KCNH7: variants seen among roughly 807,000 people sequenced by gnomAD.
KCNH7 encodes voltage-gated inwardly rectifying potassium channel KCNH7.
A neutral mutation model predicts 120.8 loss-of-function variants in KCNH7; 49 were observed. The observed-to-expected ratio is 0.41, with a 90% CI of 0.32 to 0.51. The LOEUF (loss-of-function observed/expected upper bound fraction) is 0.51, where lower values mean the gene tolerates loss of function less well. KCNH7 is among the 20% of genes least tolerant of loss of function. The pLI, the probability that KCNH7 is intolerant of heterozygous loss-of-function variation, is 0.38. For synonymous variants in KCNH7, 547 were observed against 516.1 expected, an observed-to-expected ratio of 1.06 and a Z score of -0.81; for missense variants, 1,097 against 1,446.6, an observed-to-expected ratio of 0.76 and a Z score of 3.92.
At chr2:162,599,294 T>C (rs1694475967) in intron 2 of KCNH7, among the ~76,000 whole-genome samples, 1 of 151,934 alleles carries the variant, frequency 6.6e-6, no homozygotes, top group Non-Finnish European at 1.5e-5. Flanking sequence ...TTAGCCTTTC[T>C]TCAGAGTGGG....
intron 3 of KCNH7, among the ~76,000 whole-genome samples, chr2:162,521,583 A>G (rs764951779): frequency 6.6e-6 from 1 of 151,880 alleles, no homozygotes; most frequent in Non-Finnish European, 1.5e-5. Context: ...AGTGACACAA[A>G]TCATTGCAAT....
chr2:162,795,480 C>T (rs913375360), intron 2 of KCNH7: 3 of 152,110 alleles, frequency 2.0e-5, no homozygotes, highest in East Asian at 1.9e-4. Context: ...GGGCACTCCC[C>T]ATTGACTCCT....
chr2:162,542,099 G>C (rs1176351814), intron 2 of KCNH7, among the ~76,000 whole-genome samples: 1 of 151,670 alleles, frequency 6.6e-6, no homozygotes, highest in Non-Finnish European at 1.5e-5. Flanking sequence ...AAAAGATATA[G>C]GGTCTATTTA....
chr2:162,812,443 C>T (rs1216089125), intron 2 of KCNH7, among the ~76,000 whole-genome samples: 3 of 151,984 alleles, frequency 2.0e-5, no homozygotes, highest in Admixed American at 2.0e-4. Context: ...AAAGTAGAGA[C>T]TGGCTTTTCA....
rs572012292 is a variant in KCNH7 at position 162,686,535 on chromosome 2, T to C, written c.308-149455A>G. Among the ~76,000 whole-genome samples, 82 of 151,468 alleles carry C rather than the reference T, an allele frequency of 5.4e-4. No homozygotes were observed. In the Middle Eastern group the frequency reaches 0.01, roughly 19 times the overall value. On this transcript the variant is annotated intron_variant, in intron 2 of 15. Transcript: ENST00000332142. The stretch of plus-strand genomic sequence containing the variant: ...ATAAGGGTTACCCAGTGAGACAATG[T>C]GGATCATGTTTTACAAATGTTTGTC...
intron 7 of KCNH7, among the ~76,000 whole-genome samples, chr2:162,441,027 A>G (rs895216229): frequency 2.6e-5 from 4 of 152,118 alleles, no homozygotes; most frequent in Non-Finnish European, 5.9e-5. Flanking sequence ...TGATCAACTA[A>G]AAGCAAAATA....
chr2:162,704,724 C>T (rs1355908733), intron 2 of KCNH7, among the ~76,000 whole-genome samples: 2 of 152,176 alleles, frequency 1.3e-5, no homozygotes, highest in African/African-American at 2.4e-5. Flanking sequence ...TGATTGTTAG[C>T]CATCTGTCTC....
intron 2 of KCNH7, among the ~76,000 whole-genome samples, chr2:162,557,814 T>C (rs1358637755): frequency 6.6e-6 from 1 of 152,190 alleles, no homozygotes; most frequent in Non-Finnish European, 1.5e-5. Context: ...GTTACTCTTT[T>C]ATTTGATAGT....
At position 162,625,824 on chromosome 2, in the gene KCNH7, A is replaced by G. The variant is rs549082825; in HGVS notation, c.308-88744T>C. 8.5e-5 allele frequency among the ~76,000 whole-genome samples: 13 copies of G among 152,300 alleles called. No homozygotes were observed. In the East Asian group the frequency reaches 2.3e-3, roughly 27 times the overall value. ...TACGGGAGGAGTGAAATGAAAAGAT[A>G]TAGATTGAGATGTGTGTGAGGTGAC... On this transcript the variant is annotated intron_variant, in intron 2 of 15. Transcript: ENST00000332142.
intron 6 of KCNH7, among the ~76,000 whole-genome samples, chr2:162,499,113 T>C (rs144743004): frequency 1.1e-3 from 165 of 152,200 alleles, no homozygotes; most frequent in African/African-American, 3.2e-3. Context: ...ATACAAAACT[T>C]GTCAAAGCTG....
intron 6 of KCNH7, among the ~76,000 whole-genome samples, chr2:162,456,313 T>A (rs972148980): frequency 6.6e-6 from 1 of 152,032 alleles, no homozygotes; most frequent in East Asian, 1.9e-4. Flanking sequence ...AATGTTATAA[T>A]TTCCATAATA....
chr2:162,470,538 C>T (rs566877831), intron 6 of KCNH7, among the ~76,000 whole-genome samples: 3 of 151,966 alleles, frequency 2.0e-5, no homozygotes, highest in Non-Finnish European at 1.5e-5. Context: ...AAGTGAGGAG[C>T]GTCTCCGCCC....
intron 13 of KCNH7, among the ~76,000 whole-genome samples, chr2:162,382,989 A>G (rs1686467228): frequency 6.6e-6 from 1 of 152,000 alleles, no homozygotes; most frequent in Non-Finnish European, 1.5e-5. Flanking sequence ...ATATATAGAT[A>G]CTAAATTTGT....
chr2:162,434,525 AT>A (rs1340567146), intron 8 of KCNH7, among the ~76,000 whole-genome samples: 1 of 152,092 alleles, frequency 6.6e-6, no homozygotes, highest in Non-Finnish European at 1.5e-5. Flanking sequence ...ATACATGTTA[AT>A]ATTAAAACAT....
At chr2:162,791,876 C>T (rs1574397174) in intron 2 of KCNH7, among the ~76,000 whole-genome samples, 1 of 152,052 alleles carries the variant, frequency 6.6e-6, no homozygotes, top group Non-Finnish European at 1.5e-5. Context: ...AGGGGGAATA[C>T]TTCCAGTTTT....
chr2:162,700,519 A>T (rs900969478), intron 2 of KCNH7, among the ~76,000 whole-genome samples: 7 of 152,170 alleles, frequency 4.6e-5, no homozygotes, highest in African/African-American at 1.4e-4. Flanking sequence ...CTTAAATATG[A>T]TGAGACTGCC....
chr2:162,787,297 T>A (rs554911700), intron 2 of KCNH7, among the ~76,000 whole-genome samples: 1 of 152,194 alleles, frequency 6.6e-6, no homozygotes, highest in African/African-American at 2.4e-5. Flanking sequence ...CAGACTCACC[T>A]TAGTGTCAAG....
At chr2:162,513,483 TTCCTTCC>T (rs1691182137) in intron 4 of KCNH7, among the ~76,000 whole-genome samples, 1 of 139,040 alleles carries the variant, frequency 7.2e-6, no homozygotes, top group Non-Finnish European at 1.6e-5. Context: ...CCTTCCTTCC[TTCCTTCC>T]TTCCTTCCTT....
chr2:162,421,103 T>G (rs1687695907), intron 9 of KCNH7, among the ~76,000 whole-genome samples: 1 of 152,048 alleles, frequency 6.6e-6, no homozygotes. Flanking sequence ...AAATGAGAAA[T>G]GTAGACACTG....
Sources: allele counts gnomAD v4.1 joint callset (sites outside exome capture counted in the v4.1 genomes callset), GRCh38; gene constraint gnomAD v4.1.1; transcripts MANE v1.5; gene names NCBI Gene and HGNC (gene_info 2026-07-23, HGNC 2026-07-21).